The following GRIN2A variants were observed in gnomAD, a reference collection of about 807,000 sequenced individuals.
The protein encoded by GRIN2A is glutamate receptor ionotropic, NMDA 2A.
In GRIN2A, 22 loss-of-function variants were observed where a neutral mutation model predicts 113.4. The observed-to-expected ratio is 0.19, with a 90% CI of 0.14 to 0.28. GRIN2A has a LOEUF of 0.28. Among genes scored for constraint, GRIN2A ranks in the 10% least tolerant of loss-of-function variants. GRIN2A has a pLI of 1.00. For synonymous variants in GRIN2A, 827 were observed against 738.4 expected (o/e 1.12, Z -1.94); for missense variants, 1,502 against 1,887.0 (o/e 0.80, Z 3.78).
chr16:10,031,578 C>G (rs1229107627), intron 2 of GRIN2A: 1 of 152,220 alleles, frequency 6.6e-6, no homozygotes, highest in Non-Finnish European at 1.5e-5. Context: ...GACAGTGGTG[C>G]ACAATAATTA....
At chr16:9,892,186 G>A (rs191968658) in intron 3 of GRIN2A, among the ~76,000 whole-genome samples, 63 of 152,280 alleles carry the variant, frequency 4.1e-4, no homozygotes, top group Admixed American at 4.0e-3. Context: ...AGCCGAGATC[G>A]TGCCATTGCA....
At chr16:9,958,252 C>A (rs2045350892) in intron 2 of GRIN2A, among the ~76,000 whole-genome samples, 1 of 152,166 alleles carries the variant, frequency 6.6e-6, no homozygotes, top group Non-Finnish European at 1.5e-5. Flanking sequence ...AACATCCAGC[C>A]TGACCTGAAC....
chr16:9,955,502 G>A (rs2045285091), intron 2 of GRIN2A, among the ~76,000 whole-genome samples: 1 of 152,112 alleles, frequency 6.6e-6, no homozygotes, highest in Non-Finnish European at 1.5e-5. Flanking sequence ...TACTGTTACT[G>A]CCCCTACCTT....
At chr16:9,807,392 G>A (rs2042001979) in intron 10 of GRIN2A, among the ~76,000 whole-genome samples, 1 of 96,330 alleles carries the variant, frequency 1.0e-5, no homozygotes, top group Non-Finnish European at 2.1e-5. Context: ...GAGGGAGAGA[G>A]GGAGGGAGGG....
At chr16:10,068,525 A>G (rs539154460) in intron 2 of GRIN2A, among the ~76,000 whole-genome samples, 17 of 152,206 alleles carry the variant, frequency 1.1e-4, no homozygotes, top group Non-Finnish European at 2.4e-4. Flanking sequence ...ACTCGGAGCA[A>G]GAGTTCACTC....
intron 4 of GRIN2A, among the ~76,000 whole-genome samples, chr16:9,884,991 C>A (rs1336524442): frequency 6.6e-6 from 1 of 152,038 alleles, no homozygotes; most frequent in Admixed American, 6.5e-5. Context: ...CCCACCTCGG[C>A]CTCCCAAAGT....
intron 3 of GRIN2A, among the ~76,000 whole-genome samples, chr16:9,916,647 G>C (rs2044256477): frequency 6.6e-6 from 1 of 152,100 alleles, no homozygotes; most frequent in Admixed American, 6.5e-5. Context: ...TCTTCACTAG[G>C]AGTCAACGGT....
At chr16:9,986,064 C>T (rs2045975037) in intron 2 of GRIN2A, among the ~76,000 whole-genome samples, 1 of 151,758 alleles carries the variant, frequency 6.6e-6, no homozygotes. Flanking sequence ...TTTTTATATA[C>T]ATATACAATG....
chr16:9,781,906 T>C (rs1901955831), intron 11 of GRIN2A, among the ~76,000 whole-genome samples: 1 of 152,100 alleles, frequency 6.6e-6, no homozygotes, highest in Non-Finnish European at 1.5e-5. Context: ...ATGCAAAAAA[T>C]TAAAATAATT....
chr16:9,995,366 G>T (rs2046203274), intron 2 of GRIN2A, among the ~76,000 whole-genome samples: 1 of 152,208 alleles, frequency 6.6e-6, no homozygotes, highest in Non-Finnish European at 1.5e-5. Flanking sequence ...TCATGGAGGG[G>T]ATAGATGACG....
chr16:9,983,501 G>A (rs1257312309), intron 2 of GRIN2A, among the ~76,000 whole-genome samples: 3 of 149,522 alleles, frequency 2.0e-5, no homozygotes, highest in East Asian at 2.0e-4. Context: ...GTGCAGTGGC[G>A]TGATCTCAGC....
chr16:10,164,810 G>A lies in GRIN2A; in HGVS notation c.414+15188C>T, dbSNP rs79624783. Among the ~76,000 whole-genome samples, 585 of 152,260 alleles carry A rather than the reference G, an allele frequency of 3.8e-3. 14 individuals are homozygous for A. In the East Asian group the frequency reaches 0.077, roughly 20 times the overall value. ...TATGCAATACCTAGGGAATATAAAA[G>A]CGATGCTTAAATTAAAATATATTCC... On this transcript the variant is annotated intron_variant, in intron 2 of 12. Coordinates refer to ENST00000330684, the MANE Select transcript of GRIN2A (RefSeq NM_001134407.3).
At chr16:9,827,909 C>T (rs1284688194) in intron 9 of GRIN2A, among the ~76,000 whole-genome samples, 6 of 152,232 alleles carry the variant, frequency 3.9e-5, no homozygotes. Flanking sequence ...GCTTTATCTT[C>T]TTTATAATAC....
At chr16:10,177,253 C>A (rs1356457153) in intron 2 of GRIN2A, among the ~76,000 whole-genome samples, 2 of 152,232 alleles carry the variant, frequency 1.3e-5, no homozygotes, top group African/African-American at 4.8e-5. Flanking sequence ...CTAAATACAT[C>A]CCCAGTTTCT....
At chr16:10,012,771 G>T (rs1196406197) in intron 2 of GRIN2A, among the ~76,000 whole-genome samples, 3 of 152,220 alleles carry the variant, frequency 2.0e-5, no homozygotes, top group African/African-American at 7.2e-5. Flanking sequence ...CAAGGAAAAA[G>T]CAGCTTCTTC....
intron 2 of GRIN2A, among the ~76,000 whole-genome samples, chr16:9,978,933 C>G (rs1369677117): frequency 6.6e-6 from 1 of 152,164 alleles, no homozygotes; most frequent in African/African-American, 2.4e-5. Flanking sequence ...ACAGACACTT[C>G]TAAGACATTA....
chr16:10,067,077 A>G (rs7188081), intron 2 of GRIN2A, among the ~76,000 whole-genome samples: 16,691 of 151,858 alleles, frequency 0.11, 1,063 homozygotes, highest in African/African-American at 0.16. Flanking sequence ...CCAGCTGTGA[A>G]CTCTCTCACA....
In GRIN2A at chr16:9,764,574, C is replaced by T. The variant is rs1300708683; in HGVS notation, c.2970G>A (p.Glu990=). ...CCACCTCCACCGTGTTAGGGTTGGA[C>T]TCATTGAGAGTAAGAGGATGTTGTC... ...FQGQHPLTLN[E]SNPNTVEVAV... Residue 990 remains glutamate, a synonymous_variant, in exon 13 of 13, where the codon GAG becomes GAA. Transcript: ENST00000330684. 1 of 1,614,004 alleles carries T rather than the reference C, an allele frequency of 6.2e-7. No individual in the cohort carries two copies. The highest frequency in any genetic ancestry group is 8.5e-7 in the Non-Finnish European group (1 of 1,180,004).
At chr16:10,172,910 G>C (rs2050070889) in intron 2 of GRIN2A, among the ~76,000 whole-genome samples, 1 of 152,164 alleles carries the variant, frequency 6.6e-6, no homozygotes, top group Non-Finnish European at 1.5e-5. Flanking sequence ...TTCAGTTCCT[G>C]TTTCTCTTCT....
Sources: gnomAD v4.1 joint callset for allele counts (sites outside exome capture counted in the v4.1 genomes callset) on GRCh38, gnomAD v4.1.1 for gene constraint, MANE v1.5 for transcripts, NCBI Gene and HGNC (gene_info 2026-07-23, HGNC 2026-07-21) for gene names.